KLHL14: variants seen among roughly 807,000 people sequenced by gnomAD.
The protein encoded by KLHL14 is kelch like family member 14.
Under a neutral mutation model 64.3 loss-of-function variants are expected in KLHL14, and 22 were observed. The observed-to-expected ratio is 0.34, with a 90% confidence interval of 0.24 to 0.49. The LOEUF (loss-of-function observed/expected upper bound fraction) is 0.49, where lower values mean the gene tolerates loss of function less well. KLHL14 is among the 20% of genes least tolerant of loss of function. The probability of loss-of-function intolerance (pLI) is 0.99; values close to 1 mark genes in which losing one functional copy is unlikely to be tolerated. For synonymous variants in KLHL14, 322 were observed against 333.4 expected, an observed-to-expected ratio of 0.97 and a Z score of 0.37; for missense variants, 661 against 789.0, an observed-to-expected ratio of 0.84 and a Z score of 1.94.
chr18:32,708,082 A>T (rs2049999354), intron 3 of KLHL14, among the ~76,000 whole-genome samples: 1 of 152,204 alleles, frequency 6.6e-6, no homozygotes, highest in Admixed American at 6.5e-5. Flanking sequence ...GCTGAAAAAA[A>T]TCAAGTTATT....
At chr18:32,701,812 G>A (rs961646332) in intron 3 of KLHL14, among the ~76,000 whole-genome samples, 14 of 152,156 alleles carry the variant, frequency 9.2e-5, no homozygotes, top group Admixed American at 8.5e-4. Flanking sequence ...GGTTGCTGCT[G>A]TTACAAGCAG....
intron 7 of KLHL14, 127 bp from the exon 8 acceptor site, chr18:32,677,457 C>T (rs536158712): frequency 3.7e-6 from 3 of 820,144 alleles, no homozygotes; most frequent in Non-Finnish European, 5.6e-6. Context: ...GACACAAATG[C>T]ATAAATTCAC....
chr18:32,749,857 G>C (rs1343609476), intron 2 of KLHL14, among the ~76,000 whole-genome samples: 1 of 152,150 alleles, frequency 6.6e-6, no homozygotes, highest in East Asian at 1.9e-4. Flanking sequence ...CATGAGGATG[G>C]ATGTGTGAGT....
chr18:32,762,177 G>T (rs1318978242), intron 2 of KLHL14, among the ~76,000 whole-genome samples: 1 of 151,726 alleles, frequency 6.6e-6, no homozygotes, highest in African/African-American at 2.4e-5. Context: ...AGGCGGTAAG[G>T]TACCATGATT....
intron 7 of KLHL14, 146 bp from the exon 8 acceptor site, chr18:32,677,476 G>A: frequency 1.3e-6 from 1 of 762,126 alleles, no homozygotes. Flanking sequence ...ACTGAGATTG[G>A]GAGAAATGTC....
intron 4 of KLHL14, among the ~76,000 whole-genome samples, chr18:32,694,088 G>A (rs558019226): frequency 3.2e-4 from 48 of 152,290 alleles, no homozygotes; most frequent in African/African-American, 1.1e-3. Flanking sequence ...TGTTTTGTGA[G>A]AATGAATTGT....
chr18:32,678,355 T>A (rs2049821160), intron 7 of KLHL14, among the ~76,000 whole-genome samples: 1 of 152,154 alleles, frequency 6.6e-6, no homozygotes, highest in South Asian at 2.1e-4. Flanking sequence ...TTCTTTAAAA[T>A]AATTGAGAAG....
In KLHL14 at chr18:32,672,927, G is replaced by A. The variant is rs2049792029; in HGVS notation, c.*1730C>T. Reference sequence around the variant, plus strand: ...GGTTCTTGTACAAATTGTGACTTTTGGAAGAAACAGTGACAGTTGACAACA... The same window carrying A: ...GGTTCTTGTACAAATTGTGACTTTTAGAAGAAACAGTGACAGTTGACAACA... On this transcript the variant is annotated 3_prime_UTR_variant, in exon 9 of 9. Coordinates refer to ENST00000359358, the MANE Select transcript of KLHL14 (RefSeq NM_020805.3). The A allele has an allele frequency of 6.6e-6, 1 of 152,520 alleles. No homozygotes were observed. Among genetic ancestry groups the A allele is most frequent in the Non-Finnish European group, 1.5e-5 (1 of 68,016 alleles). 9.4% of individuals were successfully genotyped at this position (152,520 alleles called of 1,614,324 possible). A position where few individuals can be genotyped will look rare whatever the true frequency, so the allele number is the denominator to read the frequency against.
Position 32,770,887 on chromosome 18 carries a change from C to A in KLHL14, c.-43-253G>T, listed in dbSNP as rs1349400051. ...CGGTTCTGCGCCCTGCGGCTCCTCT[C>A]GCCACCTCCCACACACTTCGTCCCT... On this transcript the variant is annotated intron_variant, in intron 1 of 8. Coordinates refer to ENST00000359358, the MANE Select transcript of KLHL14 (RefSeq NM_020805.3). This position sits in a 1 kb window ranked among gnomAD's most constrained non-coding sequence, Gnocchi z 6.7. 4 of 468,372 alleles carry A rather than the reference C, an allele frequency of 8.5e-6. No homozygotes were observed. The highest frequency in any genetic ancestry group is 7.7e-5 in the South Asian group (3 of 38,718). The allele number at this position is 468,372 out of a possible 1,614,324, so 29.0% of individuals were successfully genotyped here.
chr18:32,734,909 C>T (rs534635011), intron 3 of KLHL14, among the ~76,000 whole-genome samples: 28 of 151,664 alleles, frequency 1.8e-4, no homozygotes, highest in African/African-American at 6.3e-4. Flanking sequence ...TGTGCGTGCA[C>T]GCGCACACAT....
At chr18:32,764,929 T>G (rs1268302528) in intron 2 of KLHL14, among the ~76,000 whole-genome samples, 1 of 152,174 alleles carries the variant, frequency 6.6e-6, no homozygotes, top group South Asian at 2.1e-4. Context: ...CCTCACAAGT[T>G]TCTTTTTAAA....
rs779376695 is a variant in KLHL14 at position 32,677,157 on chromosome 18, A to G, written c.1746+16T>C. 3 of 1,604,770 alleles carry G rather than the reference A, an allele frequency of 1.9e-6. No individual in the cohort carries two copies. The highest frequency in any genetic ancestry group is 1.7e-4 in the Middle Eastern group (1 of 5,986). On this transcript the variant is annotated intron_variant, in intron 8 of 8. Transcript: ENST00000359358. ...CAAACGAAATAAAGGAGGATGCAGTAAATGTGGACACATACCATACTCCAG... is the reference window on the plus strand; with the variant it reads ...CAAACGAAATAAAGGAGGATGCAGTGAATGTGGACACATACCATACTCCAG...
intron 2 of KLHL14, among the ~76,000 whole-genome samples, chr18:32,755,013 T>A (rs2050274674): frequency 6.6e-6 from 1 of 151,908 alleles, no homozygotes; most frequent in South Asian, 2.1e-4. Flanking sequence ...GAGGAGACAA[T>A]GAGGTGTGGC....
At chr18:32,753,687 A>G (rs1156396613) in intron 2 of KLHL14, among the ~76,000 whole-genome samples, 1 of 152,174 alleles carries the variant, frequency 6.6e-6, no homozygotes, top group East Asian at 1.9e-4. Flanking sequence ...TTTATATTAT[A>G]CATAGCACTT....
intron 3 of KLHL14, among the ~76,000 whole-genome samples, chr18:32,720,339 C>T (rs375020187): frequency 1.3e-5 from 2 of 152,034 alleles, no homozygotes; most frequent in African/African-American, 4.8e-5. Context: ...ATAGTGACAG[C>T]GCTTATGGTC....
At position 32,683,473 on chromosome 18, in the gene KLHL14, G is replaced by C. The variant is rs2049853463; in HGVS notation, c.1239-2874C>G. ...GTAGGCTAAAATCTTCCCATACCAG[G>C]TCTCTCTTGACAATGCTCCCTGCCC... On this transcript the variant is annotated intron_variant, in intron 5 of 8. Coordinates refer to ENST00000359358, the MANE Select transcript of KLHL14 (RefSeq NM_020805.3). This position sits in a 1 kb window ranked among gnomAD's most constrained non-coding sequence, Gnocchi z 4.2. Among the ~76,000 whole-genome samples, 1 of 152,102 alleles carries C rather than the reference G, an allele frequency of 6.6e-6. No homozygotes were observed. Among genetic ancestry groups the C allele is most frequent in the Non-Finnish European group, 1.5e-5 (1 of 68,022 alleles).
intron 2 of KLHL14, 44 bp downstream of exon 2, chr18:32,769,598 CTGG>C: frequency 1.6e-6 from 1 of 636,868 alleles, no homozygotes. Context: ...TCCGGCCTCT[CTGG>C]CTCTACCCCC....
At chr18:32,724,166 A>G (rs2144513256) in intron 3 of KLHL14, among the ~76,000 whole-genome samples, 2 of 152,346 alleles carry the variant, frequency 1.3e-5, no homozygotes, top group South Asian at 4.1e-4. Flanking sequence ...CAAGGGTTTA[A>G]GTCACAAATT....
intron 5 of KLHL14, among the ~76,000 whole-genome samples, chr18:32,684,533 T>C (rs1243398719): frequency 6.6e-6 from 1 of 152,126 alleles, no homozygotes; most frequent in Non-Finnish European, 1.5e-5. Context: ...AATTTTTCTG[T>C]CATTACCAAG....
Sources: allele counts gnomAD v4.1 joint callset (sites outside exome capture counted in the v4.1 genomes callset), GRCh38; gene constraint gnomAD v4.1.1; non-coding constraint Gnocchi (gnomAD v3.1); transcripts MANE v1.5; gene names NCBI Gene and HGNC (gene_info 2026-07-23, HGNC 2026-07-21).